The following JARID2 variants were observed in gnomAD, a reference collection of about 807,000 sequenced individuals.
JARID2 encodes the protein jumonji and AT-rich interaction domain containing 2.
A neutral mutation model predicts 125.6 loss-of-function variants in JARID2; 21 were observed. The ratio of observed to expected loss-of-function variants is 0.17; its 90% confidence interval spans 0.12 to 0.24. The LOEUF is 0.24. Ranked by LOEUF, JARID2 falls within the 10% of genes least tolerant of loss-of-function variation. JARID2 has a pLI of 1.00. For missense variants in JARID2, 1,303 were observed against 1,639.6 expected, an observed-to-expected ratio of 0.79 and a Z score of 3.55; for synonymous variants, 736 against 661.6, an observed-to-expected ratio of 1.11 and a Z score of -1.73.
At chr6:15,458,060 ATAATT>A (rs1768268652) in intron 4 of JARID2, among the ~76,000 whole-genome samples, 2 of 152,312 alleles carry the variant, frequency 1.3e-5, no homozygotes, top group Middle Eastern at 3.4e-3. Context: ...TGCCAGAGGC[ATAATT>A]AGTATCTTTC....
chr6:15,269,931 T>G (rs1760233082), intron 1 of JARID2, among the ~76,000 whole-genome samples: 2 of 152,228 alleles, frequency 1.3e-5, no homozygotes, highest in South Asian at 4.1e-4. Flanking sequence ...CGCTGCAACC[T>G]TGTCATTTCT....
chr6:15,282,641 GT>G (rs1213132784), intron 1 of JARID2, among the ~76,000 whole-genome samples: 3 of 150,598 alleles, frequency 2.0e-5, no homozygotes, highest in African/African-American at 7.3e-5. Flanking sequence ...TTTCGCTCTT[GT>G]TGCCCAGGCT....
intron 1 of JARID2, among the ~76,000 whole-genome samples, chr6:15,353,047 C>G (rs868147520): frequency 2.0e-5 from 3 of 152,104 alleles, no homozygotes; most frequent in Non-Finnish European, 4.4e-5. Context: ...GACTGTTTTT[C>G]ACTTTTGGGT....
At chr6:15,266,732 T>A (rs896676694) in intron 1 of JARID2, among the ~76,000 whole-genome samples, 212 of 152,340 alleles carry the variant, frequency 1.4e-3, no homozygotes, top group African/African-American at 4.7e-3. Flanking sequence ...AGAAACAGCT[T>A]TGTGGACGCA....
intron 1 of JARID2, among the ~76,000 whole-genome samples, chr6:15,313,606 G>A (rs1762086583): frequency 2.0e-5 from 3 of 152,142 alleles, no homozygotes. Flanking sequence ...GAGCACTGTG[G>A]AATTTGCAGT....
intron 4 of JARID2, among the ~76,000 whole-genome samples, chr6:15,466,045 C>A (rs1366270351): frequency 6.6e-6 from 1 of 152,174 alleles, no homozygotes; most frequent in Non-Finnish European, 1.5e-5. Flanking sequence ...CTCAGGTGCA[C>A]CACCCGCCTT....
At chr6:15,418,859 T>C (rs2127583636) in intron 3 of JARID2, among the ~76,000 whole-genome samples, 1 of 152,338 alleles carries the variant, frequency 6.6e-6, no homozygotes, top group Middle Eastern at 3.4e-3. Context: ...AGGTATGATA[T>C]TCACAGCTAC....
intron 1 of JARID2, among the ~76,000 whole-genome samples, chr6:15,247,233 C>T (rs981047367): frequency 6.8e-4 from 103 of 152,140 alleles, no homozygotes; most frequent in African/African-American, 2.2e-3. Flanking sequence ...CACACTATGG[C>T]TAATGTTTTT....
intron 1 of JARID2, among the ~76,000 whole-genome samples, chr6:15,334,759 C>T (rs576718586): frequency 9.2e-5 from 14 of 152,320 alleles, no homozygotes; most frequent in African/African-American, 3.1e-4. Context: ...TGAAATTCTA[C>T]ACAAAGTCAC....
At position 15,513,090 on chromosome 6, in the gene JARID2, C is replaced by T. The variant is rs1241031694; in HGVS notation, c.3266+45C>T. On this transcript the variant is annotated intron_variant, in intron 15 of 17. Transcript: ENST00000341776. The stretch of plus-strand genomic sequence containing the variant: ...CACGCCAGAGAGCTGGACCCGGCTG[C>T]CCTTCGGGGGCTCACCCCCCGAGCA... 9 of 1,611,702 alleles carry T rather than the reference C, an allele frequency of 5.6e-6. No homozygotes were observed. The South Asian group carries it at 9.9e-5, about 18-fold the overall frequency.
chr6:15,300,126 C>G (rs529955972), intron 1 of JARID2, among the ~76,000 whole-genome samples: 1 of 152,324 alleles, frequency 6.6e-6, no homozygotes, highest in South Asian at 2.1e-4. Context: ...TTAGGGTGTG[C>G]TTCTTTATCT....
chr6:15,483,123 A>G (rs543913207), intron 5 of JARID2, among the ~76,000 whole-genome samples: 7 of 152,356 alleles, frequency 4.6e-5, no homozygotes, highest in Non-Finnish European at 8.8e-5. Context: ...AGTAAAAACT[A>G]CAAATAACTA....
intron 2 of JARID2, among the ~76,000 whole-genome samples, chr6:15,394,571 C>T (rs923397404): frequency 2.0e-5 from 3 of 152,050 alleles, no homozygotes; most frequent in Admixed American, 6.6e-5. Flanking sequence ...TTGACTGCAG[C>T]GTGGGACACA....
intron 1 of JARID2, among the ~76,000 whole-genome samples, chr6:15,256,564 T>C (rs1759673421): frequency 1.3e-5 from 2 of 152,194 alleles, no homozygotes; most frequent in South Asian, 2.1e-4. Flanking sequence ...CCCTTCTTGA[T>C]GTACTCTGGG....
chr6:15,417,656 C>T (rs897936765), intron 3 of JARID2, among the ~76,000 whole-genome samples: 1 of 152,002 alleles, frequency 6.6e-6, no homozygotes, highest in African/African-American at 2.4e-5. Context: ...ATGAGAGGAT[C>T]GTTTGAGTCT....
At chr6:15,377,443 A>G (rs1022305907) in intron 2 of JARID2, among the ~76,000 whole-genome samples, 10 of 152,150 alleles carry the variant, frequency 6.6e-5, no homozygotes, top group Non-Finnish European at 1.2e-4. Context: ...TTGGGTGGGG[A>G]CACAGCCAAA....
intron 2 of JARID2, among the ~76,000 whole-genome samples, chr6:15,395,431 A>C (rs1392600768): frequency 6.6e-6 from 1 of 151,788 alleles, no homozygotes; most frequent in Non-Finnish European, 1.5e-5. Context: ...GTGCCCGGCT[A>C]AGTTTTTGTA....
At chr6:15,325,252 G>C (rs1762499996) in intron 1 of JARID2, among the ~76,000 whole-genome samples, 4 of 152,072 alleles carry the variant, frequency 2.6e-5, no homozygotes, top group Admixed American at 2.6e-4. Flanking sequence ...CTTTCGAATT[G>C]AGACCCAGTA....
At chr6:15,357,324 C>T (rs976220127) in intron 1 of JARID2, among the ~76,000 whole-genome samples, 1 of 152,218 alleles carries the variant, frequency 6.6e-6, no homozygotes, top group Non-Finnish European at 1.5e-5. Flanking sequence ...AAATAAAATA[C>T]AGTACAATTT....
Sources: gnomAD v4.1 joint callset for allele counts (sites outside exome capture counted in the v4.1 genomes callset) on GRCh38, gnomAD v4.1.1 for gene constraint, MANE v1.5 for transcripts, NCBI Gene and HGNC (gene_info 2026-07-23, HGNC 2026-07-21) for gene names.